Variants in ATG13 observed in about 807,000 individuals in gnomAD.
ATG13 encodes autophagy-related protein 13.
In ATG13, 23 loss-of-function variants were observed where a neutral mutation model predicts 65.5. The ratio of observed to expected loss-of-function variants is 0.35; its 90% CI spans 0.25 to 0.50. The LOEUF is 0.50. Ranked by LOEUF, ATG13 falls within the 20% of genes least tolerant of loss-of-function variation. The pLI is 0.98. For missense variants in ATG13, 566 were observed against 677.0 expected, an observed-to-expected ratio of 0.84 and a Z score of 1.82; for synonymous variants, 252 against 245.2, an observed-to-expected ratio of 1.03 and a Z score of -0.26.
At chr11:46,643,311 T>G (rs936090993) in intron 2 of ATG13, among the ~76,000 whole-genome samples, 1 of 152,124 alleles carries the variant, frequency 6.6e-6, no homozygotes, top group Non-Finnish European at 1.5e-5. Flanking sequence ...TTCTACTACT[T>G]TTATACATGT....
chr11:46,666,505 C>T (rs758750876), intron 14 of ATG13, among the ~76,000 whole-genome samples: 5 of 152,150 alleles, frequency 3.3e-5, no homozygotes, highest in Admixed American at 6.5e-5. Flanking sequence ...TTCTGATTAC[C>T]GAAGTGATAC....
At chr11:46,670,877 T>C (rs1049577629) in intron 18 of ATG13, among the ~76,000 whole-genome samples, 1 of 152,148 alleles carries the variant, frequency 6.6e-6, no homozygotes, top group Non-Finnish European at 1.5e-5. Flanking sequence ...TCTAAGTGTT[T>C]TACATGAATC....
chr11:46,672,236 C>T lies in ATG13; in HGVS notation c.1576-19C>T, dbSNP rs2063917193. On this transcript the variant is annotated intron_variant, in intron 18 of 18. Transcript: ENST00000683050. Reference sequence around the variant, plus strand: ...GGCCCTGCCTGAATAAACGGCTCTTCCCTCTCTTTCCGGTACAGGACTCAT... The same window carrying T: ...GGCCCTGCCTGAATAAACGGCTCTTTCCTCTCTTTCCGGTACAGGACTCAT... The T allele has an allele frequency of 1.2e-6, 2 of 1,614,036 alleles. No individual in the cohort carries two copies. The highest frequency in any genetic ancestry group is 1.7e-6 in the Non-Finnish European group (2 of 1,179,922).
chr11:46,618,682 T>C (rs1469025656), intron 1 of ATG13, among the ~76,000 whole-genome samples: 1 of 152,238 alleles, frequency 6.6e-6, no homozygotes, highest in East Asian at 1.9e-4. Context: ...AGATTTTGTG[T>C]GTTGTTTTAT....
intron 14 of ATG13, 82 bp from the exon 15 acceptor site, chr11:46,667,691 C>T (rs774171518): frequency 5.2e-5 from 57 of 1,097,964 alleles, no homozygotes; most frequent in Non-Finnish European, 7.0e-5. Flanking sequence ...GGCCACAGCC[C>T]CACCAGATGG....
chr11:46,634,131 C>T (rs1163299180), intron 2 of ATG13, among the ~76,000 whole-genome samples: 1 of 151,494 alleles, frequency 6.6e-6, no homozygotes, highest in African/African-American at 2.4e-5. Context: ...GAGTCTTGCT[C>T]TATCGCCAGG....
chr11:46,640,780 C>A (rs2055710718), intron 2 of ATG13, among the ~76,000 whole-genome samples: 1 of 152,202 alleles, frequency 6.6e-6, no homozygotes, highest in Non-Finnish European at 1.5e-5. Context: ...CTACCAGATA[C>A]TACTATCTTT....
chr11:46,654,870 G>A (rs536772863), intron 7 of ATG13, among the ~76,000 whole-genome samples: 7 of 151,988 alleles, frequency 4.6e-5, no homozygotes, highest in African/African-American at 1.5e-4. Flanking sequence ...AGGCTACGGC[G>A]GGTGTATCAC....
chr11:46,643,354 C>T (rs1320618299), intron 2 of ATG13, among the ~76,000 whole-genome samples: 1 of 152,072 alleles, frequency 6.6e-6, no homozygotes, highest in African/African-American at 2.4e-5. Flanking sequence ...ACTACTTGGT[C>T]CCCCAGCTAT....
In ATG13 at chr11:46,631,647, T is replaced by G. The variant is rs1352464822; in HGVS notation, c.-14+1547T>G. Among the ~76,000 whole-genome samples the G allele has an allele frequency of 3.3e-5, 5 of 152,292 alleles. No homozygotes were observed. The East Asian group carries it at 9.6e-4, about 29-fold the overall frequency. On this transcript the variant is annotated intron_variant, in intron 2 of 18. Coordinates refer to ENST00000683050, the MANE Select transcript of ATG13 (RefSeq NM_001346311.2). ...GGGAGGCTGAGGTGAGAGGATCGTT[T>G]GAGGCCAGGAGTTCAAGACCAGCCT...
chr11:46,659,192 A>C (rs1340160768), intron 10 of ATG13, 200 bp from the exon 11 acceptor site: 3 of 529,284 alleles, frequency 5.7e-6, no homozygotes, highest in Admixed American at 3.4e-5. Flanking sequence ...AGAAACAAGA[A>C]CAAAACATTG....
intron 11 of ATG13, 45 bp from the exon 12 acceptor site, chr11:46,663,952 T>TC: frequency 8.7e-7 from 1 of 1,144,668 alleles, no homozygotes; most frequent in Non-Finnish European, 1.2e-6. Context: ...TTTCTTTTTT[T>TC]TTTTTTTTTT....
At chr11:46,628,783 A>G (rs764205369) in intron 1 of ATG13, among the ~76,000 whole-genome samples, 2 of 152,164 alleles carry the variant, frequency 1.3e-5, no homozygotes, top group African/African-American at 2.4e-5. Flanking sequence ...TAAATAAATT[A>G]TATCCATTAT....
intron 18 of ATG13, among the ~76,000 whole-genome samples, chr11:46,671,246 A>AC (rs1245180968): frequency 6.6e-6 from 1 of 152,058 alleles, no homozygotes; most frequent in African/African-American, 2.4e-5. Context: ...TCGTGTTTAA[A>AC]CCCCTACTGG....
chr11:46,619,721 G>C (rs1048299920), intron 1 of ATG13, among the ~76,000 whole-genome samples: 3 of 151,548 alleles, frequency 2.0e-5, no homozygotes, highest in Non-Finnish European at 2.9e-5. Context: ...GTAAATGTGG[G>C]CCAGTTTATT....
At chr11:46,644,050 CTCAT>C (rs1039228019) in intron 2 of ATG13, among the ~76,000 whole-genome samples, 1 of 152,006 alleles carries the variant, frequency 6.6e-6, no homozygotes, top group Non-Finnish European at 1.5e-5. Flanking sequence ...GTAAAATGTT[CTCAT>C]TCATTTTTTA....
chr11:46,623,092 T>G (rs55697736), intron 1 of ATG13, among the ~76,000 whole-genome samples: 1 of 151,662 alleles, frequency 6.6e-6, no homozygotes, highest in African/African-American at 2.4e-5. Context: ...CGGGAGACCA[T>G]CCGGGCTAAC....
In ATG13 at chr11:46,654,266, C is replaced by A. The variant is rs574740702; in HGVS notation, c.459-1967C>A. On this transcript the variant is annotated intron_variant, in intron 7 of 18. Transcript: ENST00000683050. ...TGGGTCACATGGCAAGACCTCATCA[C>A]TACTATTTTTAAAATTTTATATATA... Among the ~76,000 whole-genome samples, 571 of 125,094 alleles carry A rather than the reference C, an allele frequency of 4.6e-3. 2 individuals are homozygous for A. The highest frequency in any genetic ancestry group is 0.018 in the African/African-American group (551 of 30,572). 82.1% of individuals were successfully genotyped at this position (125,094 alleles called of 152,430 possible). A position where few individuals can be genotyped will look rare whatever the true frequency, so the allele number is the denominator to read the frequency against.
intron 1 of ATG13, among the ~76,000 whole-genome samples, chr11:46,629,386 GGTTTTT>G (rs961134002): frequency 1.3e-4 from 20 of 151,986 alleles, no homozygotes; most frequent in South Asian, 2.1e-4. Context: ...TTCACAAGGA[GGTTTTT>G]GTTTTTGTTT....
Sources: allele counts gnomAD v4.1 joint callset (sites outside exome capture counted in the v4.1 genomes callset), GRCh38; gene constraint gnomAD v4.1.1; transcripts MANE v1.5; gene names NCBI Gene and HGNC (gene_info 2026-07-23, HGNC 2026-07-21).